The following RELL1 variants were observed in gnomAD, a reference collection of about 807,000 sequenced individuals.
RELL1 encodes the protein RELT like 1, also known as RELT-like protein 1.
A neutral mutation model predicts 23.0 loss-of-function variants in RELL1; 10 were observed. That is an observed-to-expected ratio of 0.43 (90% CI 0.27 to 0.74). The LOEUF is 0.74. Among genes scored for constraint, RELL1 ranks in the 30% least tolerant of loss-of-function variants. RELL1 has a pLI of 0.19. For missense variants in RELL1, 315 were observed against 364.4 expected (o/e 0.86, Z 1.10); for synonymous variants, 146 against 146.8 (o/e 0.99, Z 0.04).
At chr4:37,668,512 T>C (rs1229217066) in intron 1 of RELL1, among the ~76,000 whole-genome samples, 4 of 151,800 alleles carry the variant, frequency 2.6e-5, no homozygotes, top group Non-Finnish European at 5.9e-5. Context: ...TCTCCTTCAC[T>C]CAGTGCTCAA....
Position 37,665,537 on chromosome 4 carries a change from T to C in RELL1, c.89-16037A>G, listed in dbSNP as rs189485276. ...GAGCTTACACAACCTCACCAAAGGC[T>C]ACTGCCCAATTTCCACGTGGCTGCG... On this transcript the variant is annotated intron_variant, in intron 1 of 6. Transcript: ENST00000454158. 7.2e-5 allele frequency among the ~76,000 whole-genome samples: 11 copies of C among 152,334 alleles called. No homozygotes were observed. The East Asian group carries it at 2.1e-3, about 29-fold the overall frequency.
chr4:37,660,597 T>C (rs1222852154), intron 1 of RELL1, among the ~76,000 whole-genome samples: 1 of 152,224 alleles, frequency 6.6e-6, no homozygotes, highest in African/African-American at 2.4e-5. Context: ...TTCTTAATCT[T>C]GATTTTGGTC....
At chr4:37,614,063 AAAATCATGTGTACCCTAT>A (rs1352685405) in intron 6 of RELL1, among the ~76,000 whole-genome samples, 26 of 152,236 alleles carry the variant, frequency 1.7e-4, no homozygotes, top group African/African-American at 5.3e-4. Flanking sequence ...CCCACCTGCC[AAAATCATGTGTACCCTAT>A]AAACACTAAA....
chr4:37,681,184 C>T (rs987445859), intron 1 of RELL1, among the ~76,000 whole-genome samples: 2 of 152,162 alleles, frequency 1.3e-5, no homozygotes, highest in African/African-American at 4.8e-5. Flanking sequence ...TCACTCTGGG[C>T]TTTTTAAAAA....
intron 1 of RELL1, among the ~76,000 whole-genome samples, chr4:37,659,539 A>T (rs772460512): frequency 3.3e-5 from 5 of 152,166 alleles, no homozygotes; most frequent in African/African-American, 9.7e-5. Flanking sequence ...GATTACCAAG[A>T]TGGCTAAATG....
At chr4:37,595,179 G>A (rs1302717677) in intron 6 of RELL1, among the ~76,000 whole-genome samples, 1 of 152,012 alleles carries the variant, frequency 6.6e-6, no homozygotes, top group African/African-American at 2.4e-5. Context: ...TTAACTAATA[G>A]AACAATAAGT....
At chr4:37,629,577 A>G (rs1242337113) in intron 6 of RELL1, among the ~76,000 whole-genome samples, 1 of 152,178 alleles carries the variant, frequency 6.6e-6, no homozygotes, top group African/African-American at 2.4e-5. Context: ...CTGAGAAGCC[A>G]ATGGTAGACT....
At chr4:37,666,414 T>C (rs976998040) in intron 1 of RELL1, among the ~76,000 whole-genome samples, 2 of 152,192 alleles carry the variant, frequency 1.3e-5, no homozygotes, top group African/African-American at 4.8e-5. Flanking sequence ...CAAGGTCAAT[T>C]AGCATCTCTG....
intron 3 of RELL1, among the ~76,000 whole-genome samples, chr4:37,639,383 C>CA (rs58310167): frequency 0.32 from 20,756 of 65,200 alleles, 3,725 homozygotes; most frequent in Non-Finnish European, 0.36. Flanking sequence ...GACTCTGTCT[C>CA]AAAAAAAAAA....
At chr4:37,654,350 C>A (rs1440292120) in intron 1 of RELL1, among the ~76,000 whole-genome samples, 1 of 152,144 alleles carries the variant, frequency 6.6e-6, no homozygotes, top group Non-Finnish European at 1.5e-5. Flanking sequence ...TTCCACCATC[C>A]CAGAAAGTTT....
At chr4:37,607,127 C>T (rs1045445906), downstream of RELL1, among the ~76,000 whole-genome samples, 3 of 152,066 alleles carry the variant, frequency 2.0e-5, 1 homozygote, top group South Asian at 6.2e-4. Context: ...GTCAAGATCA[C>T]GAAACACAAG....
chr4:37,651,093 AG>A (rs2109285257), intron 1 of RELL1, among the ~76,000 whole-genome samples: 1 of 152,196 alleles, frequency 6.6e-6, no homozygotes, highest in South Asian at 2.1e-4. Flanking sequence ...TAAATTAAAA[AG>A]TATTAAAAAG....
intron 1 of RELL1, among the ~76,000 whole-genome samples, chr4:37,655,951 C>T (rs1448197158): frequency 6.6e-6 from 1 of 152,050 alleles, no homozygotes; most frequent in African/African-American, 2.4e-5. Context: ...TAAGCCTTCT[C>T]GAAAGGTTAA....
chr4:37,668,307 A>C (rs1438619329), intron 1 of RELL1, among the ~76,000 whole-genome samples: 1 of 149,920 alleles, frequency 6.7e-6, no homozygotes, highest in Non-Finnish European at 1.5e-5. Flanking sequence ...GCTCACTGCA[A>C]CCTCCCTGCC....
chr4:37,676,880 G>A (rs898838164), intron 1 of RELL1, among the ~76,000 whole-genome samples: 3 of 151,822 alleles, frequency 2.0e-5, no homozygotes, highest in Non-Finnish European at 2.9e-5. Flanking sequence ...ACTCTATTCC[G>A]GGCCCTGTGC....
chr4:37,605,879 A>G (rs1719199098), downstream of RELL1, among the ~76,000 whole-genome samples: 1 of 143,242 alleles, frequency 7.0e-6, no homozygotes, highest in South Asian at 2.2e-4. Flanking sequence ...AAAGGAAAGA[A>G]GGAAAGAAAG....
At chr4:37,613,561 G>C (rs534238121) in intron 6 of RELL1, among the ~76,000 whole-genome samples, 6 of 152,030 alleles carry the variant, frequency 3.9e-5, no homozygotes, top group Admixed American at 2.0e-4. Flanking sequence ...GTTCTCTCGA[G>C]ATCTGGCTGT....
chr4:37,643,246 G>A (rs1055296576), intron 3 of RELL1, among the ~76,000 whole-genome samples: 2 of 151,936 alleles, frequency 1.3e-5, no homozygotes, highest in African/African-American at 4.8e-5. Flanking sequence ...CAGAAGTGTT[G>A]TGTGAGGATG....
chr4:37,655,849 G>C (rs576111823), intron 1 of RELL1, among the ~76,000 whole-genome samples: 1 of 152,220 alleles, frequency 6.6e-6, no homozygotes, highest in Non-Finnish European at 1.5e-5. Context: ...TTCCAGAAGA[G>C]GTAAGTGGTC....
Sources: gnomAD v4.1 joint callset for allele counts (sites outside exome capture counted in the v4.1 genomes callset) on GRCh38, gnomAD v4.1.1 for gene constraint, MANE v1.5 for transcripts, NCBI Gene and HGNC (gene_info 2026-07-23, HGNC 2026-07-21) for gene names.